CEP128: variants seen among roughly 807,000 people sequenced by gnomAD.
CEP128 encodes centrosomal protein 128kDa.
CEP128 carries 132 observed loss-of-function variants against 156.7 expected under a neutral mutation model. That is an observed-to-expected ratio of 0.84 (90% CI 0.73 to 0.97). CEP128 has a LOEUF of 0.97. Ranked by LOEUF, CEP128 falls within the 50% of genes least tolerant of loss-of-function variation. The pLI, the probability that CEP128 is intolerant of heterozygous loss-of-function variation, is 0.00. For synonymous variants in CEP128, 469 were observed against 448.9 expected, an observed-to-expected ratio of 1.04 and a Z score of -0.57; for missense variants, 1,252 against 1,281.9, an observed-to-expected ratio of 0.98 and a Z score of 0.36.
chr14:80,750,540 A>G (rs935678232), intron 18 of CEP128, among the ~76,000 whole-genome samples: 5 of 152,184 alleles, frequency 3.3e-5, no homozygotes, highest in African/African-American at 1.2e-4. Flanking sequence ...TCCCAGCATG[A>G]TCCTCCAGTA....
At chr14:80,560,972 C>A (rs138585125) in intron 20 of CEP128, among the ~76,000 whole-genome samples, 1 of 152,112 alleles carries the variant, frequency 6.6e-6, no homozygotes, top group Non-Finnish European at 1.5e-5. Flanking sequence ...AGAAAAATGG[C>A]GCACAGAATG....
At chr14:80,583,485 C>T (rs1258987420) in intron 19 of CEP128, among the ~76,000 whole-genome samples, 2 of 152,130 alleles carry the variant, frequency 1.3e-5, no homozygotes, top group Admixed American at 6.5e-5. Flanking sequence ...GCATCTTATC[C>T]CCCTGAGCAT....
rs925415715 is a variant in CEP128, at chr14:80,540,830, G to T, written c.2881-9944C>A. ...ACCTCAGGGTGTCCTTTGCATAGAG[G>T]TCTGTGAAAAATTTACAGGGAGAAT... is the stretch of plus-strand genomic sequence containing the variant. On this transcript the variant is annotated intron_variant, in intron 21 of 24. Transcript: ENST00000555265. Among the ~76,000 whole-genome samples, 3 of 152,138 alleles carry T rather than the reference G, an allele frequency of 2.0e-5. No individual in the cohort carries two copies. The South Asian group carries it at 6.2e-4, about 32-fold the overall frequency.
chr14:80,689,548 C>T (rs1896647150), intron 19 of CEP128, among the ~76,000 whole-genome samples: 1 of 152,152 alleles, frequency 6.6e-6, no homozygotes, highest in African/African-American at 2.4e-5. Flanking sequence ...CTCAGCTATA[C>T]AGAAGATACA....
chr14:80,587,153 C>G (rs1176184507), intron 19 of CEP128, among the ~76,000 whole-genome samples: 1 of 152,012 alleles, frequency 6.6e-6, no homozygotes, highest in East Asian at 1.9e-4. Flanking sequence ...TATTAGTAAA[C>G]TGCTTTTAGA....
chr14:80,490,520 C>T (rs1463632920), exon 7 of CEP128: 1 of 152,168 alleles, frequency 6.6e-6, no homozygotes, highest in African/African-American at 2.4e-5. Flanking sequence ...TTCTGTCCTT[C>T]AAGCCAAACA....
intron 2 of CEP128, among the ~76,000 whole-genome samples, chr14:80,936,231 A>G (rs1885800996): frequency 6.6e-6 from 1 of 152,214 alleles, no homozygotes; most frequent in South Asian, 2.1e-4. Flanking sequence ...CTAAATGTTT[A>G]TCAGGCCAGG....
chr14:80,718,567 A>G (rs539606462), intron 19 of CEP128, among the ~76,000 whole-genome samples: 35 of 152,362 alleles, frequency 2.3e-4, no homozygotes, highest in Middle Eastern at 6.8e-3. Context: ...CACAGAATAC[A>G]CAGTAGCTGC....
intron 21 of CEP128, among the ~76,000 whole-genome samples, chr14:80,545,787 C>G (rs1054442119): frequency 6.6e-6 from 1 of 152,102 alleles, no homozygotes; most frequent in Admixed American, 6.6e-5. Flanking sequence ...CAGAGTAACA[C>G]CAGGTTTTAG....
intron 19 of CEP128, among the ~76,000 whole-genome samples, chr14:80,605,110 A>G (rs1035192429): frequency 2.0e-5 from 3 of 152,074 alleles, no homozygotes; most frequent in African/African-American, 7.2e-5. Context: ...TGGAAACTTA[A>G]TCTTTCTTGG....
Position 80,905,864 on chromosome 14 carries a change from T to C in CEP128, c.361+91A>G, listed in dbSNP as rs375810240. The stretch of plus-strand genomic sequence containing the variant: ...CTATCATCCAATCTGCATGAAGTTA[T>C]GTGTGGGTCATATTTCTCCAAAAAT... On this transcript the variant is annotated intron_variant, in intron 5 of 24. Coordinates refer to ENST00000555265, the MANE Select transcript of CEP128 (RefSeq NM_152446.5). 4.0e-6 allele frequency: 5 copies of C among 1,243,256 alleles called. No individual in the cohort carries two copies. The South Asian group carries it at 5.2e-5, about 13-fold the overall frequency. 77.0% of individuals were successfully genotyped at this position (1,243,256 alleles called of 1,614,324 possible). A position where few individuals can be genotyped will look rare whatever the true frequency, so the allele number is the denominator to read the frequency against.
intron 15 of CEP128, among the ~76,000 whole-genome samples, chr14:80,780,214 C>T (rs1901031937): frequency 6.6e-6 from 1 of 152,082 alleles, no homozygotes; most frequent in South Asian, 2.1e-4. Context: ...GTAATAAGTT[C>T]AAATGAAGCT....
At chr14:80,634,086 C>A (rs1894078639) in intron 19 of CEP128, among the ~76,000 whole-genome samples, 2 of 152,174 alleles carry the variant, frequency 1.3e-5, no homozygotes, top group South Asian at 4.1e-4. Flanking sequence ...CACTAGGGAT[C>A]CTGCCTGCTG....
intron 8 of CEP128, among the ~76,000 whole-genome samples, chr14:80,865,304 G>A (rs368658339): frequency 3.3e-5 from 5 of 152,154 alleles, no homozygotes; most frequent in East Asian, 1.9e-4. Flanking sequence ...GTGTATATAC[G>A]TGTGTATGTG....
In CEP128 at chr14:80,822,605, T is replaced by C. The variant is rs149703789; in HGVS notation, c.1209+8538A>G. On this transcript the variant is annotated intron_variant, in intron 13 of 24. Transcript: ENST00000555265. ...CGAATCACACAGAAGATCCATGAGG[T>C]TGTCAGCTAAACCTGCTCCTCCAAA... 5.4e-4 allele frequency: 384 copies of C among 714,568 alleles called. 2 individuals carry two copies. Among genetic ancestry groups the C allele is most frequent in the African/African-American group, 4.1e-3 (238 of 57,356 alleles). The allele number at this position is 714,568 out of a possible 1,614,324, so 44.3% of individuals were successfully genotyped here.
At chr14:80,938,360 C>T (rs1475578440) in intron 2 of CEP128, among the ~76,000 whole-genome samples, 2 of 151,288 alleles carry the variant, frequency 1.3e-5, no homozygotes, top group Non-Finnish European at 2.9e-5. Flanking sequence ...CATTCTCCTG[C>T]CTCAGCCTCC....
At chr14:80,663,396 T>C (rs1780933492) in intron 19 of CEP128, among the ~76,000 whole-genome samples, 1 of 152,142 alleles carries the variant, frequency 6.6e-6, no homozygotes, top group African/African-American at 2.4e-5. Context: ...AGCAAAAGTT[T>C]TCAAAACAGT....
intron 16 of CEP128, among the ~76,000 whole-genome samples, chr14:80,775,109 T>C (rs902223174): frequency 1.3e-5 from 2 of 152,170 alleles, no homozygotes; most frequent in South Asian, 2.1e-4. Flanking sequence ...TTAACTGATA[T>C]CTTATTAGAT....
intron 19 of CEP128, among the ~76,000 whole-genome samples, chr14:80,657,877 A>G (rs1387454856): frequency 6.6e-6 from 1 of 152,196 alleles, no homozygotes; most frequent in East Asian, 1.9e-4. Flanking sequence ...TAACAAGGTA[A>G]CATGTACTGA....
Sources: allele counts gnomAD v4.1 joint callset (sites outside exome capture counted in the v4.1 genomes callset), GRCh38; gene constraint gnomAD v4.1.1; transcripts MANE v1.5; gene names NCBI Gene and HGNC (gene_info 2026-07-23, HGNC 2026-07-21).